The following KLHL29 variants were observed in gnomAD, a reference collection of about 807,000 sequenced individuals.
KLHL29 encodes the protein kelch-like protein 29.
Under a neutral mutation model 80.4 loss-of-function variants are expected in KLHL29, and 21 were observed. The observed-to-expected ratio is 0.26, with a 90% CI of 0.19 to 0.38. The LOEUF (loss-of-function observed/expected upper bound fraction) is 0.38. KLHL29 is among the 10% of genes least tolerant of loss of function. KLHL29 has a pLI of 1.00. For synonymous variants in KLHL29, 511 were observed against 526.8 expected (o/e 0.97, Z 0.41); for missense variants, 867 against 1,223.9 (o/e 0.71, Z 4.35).
Position 23,524,591 on chromosome 2 carries a change from C to A in KLHL29, c.-45-37561C>A, listed in dbSNP as rs139166069. Reference sequence around the variant, plus strand: ...TGAGGAGGAACATGCTTGCGGGCATCTGTGGCCTTCAACTCAGAGAGGGGG... The same window carrying A: ...TGAGGAGGAACATGCTTGCGGGCATATGTGGCCTTCAACTCAGAGAGGGGG... On this transcript the variant is annotated intron_variant, in intron 2 of 13. Coordinates refer to ENST00000486442, the MANE Select transcript of KLHL29 (RefSeq NM_052920.2). 7.4e-3 allele frequency among the ~76,000 whole-genome samples: 1,133 copies of A among 152,088 alleles called. 12 individuals carry two copies. The highest frequency in any genetic ancestry group is 0.025 in the African/African-American group (1,041 of 41,524).
At chr2:23,498,878 G>T (rs959475573) in intron 2 of KLHL29, among the ~76,000 whole-genome samples, 8 of 152,228 alleles carry the variant, frequency 5.3e-5, no homozygotes, top group Non-Finnish European at 1.0e-4. Flanking sequence ...AAGACTGGGC[G>T]ACCTGTCACT....
At chr2:23,552,885 A>C (rs189429115) in intron 2 of KLHL29, among the ~76,000 whole-genome samples, 2 of 148,958 alleles carry the variant, frequency 1.3e-5, no homozygotes, top group Non-Finnish European at 3.0e-5. Flanking sequence ...TCAACCTCCC[A>C]AGTAGCTGGG....
chr2:23,576,304 CAAAAAAAA>C (rs3086869), intron 3 of KLHL29, among the ~76,000 whole-genome samples: 3 of 131,508 alleles, frequency 2.3e-5, no homozygotes, highest in Non-Finnish European at 4.8e-5. Flanking sequence ...GACTCTATCT[CAAAAAAAA>C]AAAAAAAAAA....
Position 23,457,890 on chromosome 2 carries a change from G to A in KLHL29, c.-153-17670G>A, listed in dbSNP as rs1664102364. Among the ~76,000 whole-genome samples the A allele has an allele frequency of 6.6e-6, 1 of 152,136 alleles. No homozygotes were observed. The highest frequency in any genetic ancestry group is 2.4e-5 in the African/African-American group (1 of 41,426). On this transcript the variant is annotated intron_variant, in intron 1 of 13. Transcript: ENST00000486442. The surrounding 1 kb of genome is among the most constrained non-coding windows in gnomAD (Gnocchi z 4.3). ...TAGCCAGGCGTGGTGGCGGGCACCT[G>A]TAATCCCAGCTACTCGGGAGGTTGA...
chr2:23,434,244 C>T (rs1159326893), intron 1 of KLHL29, among the ~76,000 whole-genome samples: 3 of 146,744 alleles, frequency 2.0e-5, no homozygotes, highest in African/African-American at 5.1e-5. Flanking sequence ...TGGTGTGAAC[C>T]CGGGAGGCGG....
At position 23,639,773 on chromosome 2, in the gene KLHL29, C is replaced by T. The variant is rs545368613; in HGVS notation, c.427+493C>T. Among the ~76,000 whole-genome samples, 42 of 152,220 alleles carry T rather than the reference C, an allele frequency of 2.8e-4. 1 individual carries two copies. The highest frequency in any genetic ancestry group is 9.6e-4 in the African/African-American group (40 of 41,520). Reference sequence around the variant, plus strand: ...CTTTTATCTCCCATTGGCCCCAGAGCGCCCCCTCAGGATACACAGAACACC... The same window carrying T: ...CTTTTATCTCCCATTGGCCCCAGAGTGCCCCCTCAGGATACACAGAACACC... On this transcript the variant is annotated intron_variant, in intron 4 of 13. Coordinates refer to ENST00000486442, the MANE Select transcript of KLHL29 (RefSeq NM_052920.2).
At chr2:23,640,436 C>G (rs1464887357) in intron 4 of KLHL29, among the ~76,000 whole-genome samples, 1 of 152,134 alleles carries the variant, frequency 6.6e-6, no homozygotes, top group Non-Finnish European at 1.5e-5. Flanking sequence ...CCCTGGGGCC[C>G]CACCCATTAC....
intron 1 of KLHL29, among the ~76,000 whole-genome samples, chr2:23,440,103 A>G (rs1191422608): frequency 1.3e-5 from 2 of 152,008 alleles, no homozygotes; most frequent in East Asian, 1.9e-4. Context: ...GTTGGTTTAA[A>G]GTCTGTTTTA....
chr2:23,595,859 T>C (rs1479547556), intron 3 of KLHL29, among the ~76,000 whole-genome samples: 1 of 152,206 alleles, frequency 6.6e-6, no homozygotes, highest in Non-Finnish European at 1.5e-5. Context: ...CAGTGAATTG[T>C]GAGCTCCCCA....
intron 1 of KLHL29, among the ~76,000 whole-genome samples, chr2:23,404,766 A>G (rs1666685247): frequency 6.6e-6 from 1 of 152,180 alleles, no homozygotes; most frequent in African/African-American, 2.4e-5. Context: ...CTCTGTGTTT[A>G]CCTACTCTCT....
intron 3 of KLHL29, among the ~76,000 whole-genome samples, chr2:23,630,651 A>AT (rs1171078651): frequency 1.3e-5 from 2 of 151,440 alleles, no homozygotes; most frequent in East Asian, 1.9e-4. Context: ...CACCCAGCTG[A>AT]TTTTTTTTGT....
chr2:23,387,348 A>G (rs1379639651), intron 1 of KLHL29, among the ~76,000 whole-genome samples: 1 of 152,078 alleles, frequency 6.6e-6, no homozygotes, highest in Admixed American at 6.5e-5. Flanking sequence ...CTGTATTTAT[A>G]CTAGTTTCAG....
At chr2:23,559,857 C>A (rs1447550278) in intron 2 of KLHL29, among the ~76,000 whole-genome samples, 1 of 151,886 alleles carries the variant, frequency 6.6e-6, no homozygotes, top group African/African-American at 2.4e-5. Context: ...CGGAGGAGCC[C>A]CAGCTTTTTA....
At chr2:23,689,067 G>T (rs1191100819) in intron 6 of KLHL29, 1 of 152,540 alleles carries the variant, frequency 6.6e-6, no homozygotes, top group African/African-American at 2.4e-5. Flanking sequence ...CTGTGTGGAT[G>T]AGAACCGTGT....
intron 3 of KLHL29, among the ~76,000 whole-genome samples, chr2:23,618,805 T>G (rs1310941114): frequency 6.6e-6 from 1 of 152,188 alleles, no homozygotes; most frequent in Non-Finnish European, 1.5e-5. Context: ...TTAACATCTT[T>G]CCTGAACCCA....
chr2:23,585,698 A>G (rs921043494), intron 3 of KLHL29, among the ~76,000 whole-genome samples: 9 of 151,956 alleles, frequency 5.9e-5, no homozygotes, highest in African/African-American at 2.2e-4. Context: ...GGCTTGGTGA[A>G]CTCCCTCACC....
chr2:23,695,205 G>T lies in KLHL29; in HGVS notation c.1543-418G>T, dbSNP rs745665871. On this transcript the variant is annotated intron_variant, in intron 8 of 13. Coordinates refer to ENST00000486442, the MANE Select transcript of KLHL29 (RefSeq NM_052920.2). The surrounding 1 kb of genome is among the most constrained non-coding windows in gnomAD (Gnocchi z 7.6). ...TCGCCATCTCCTTGAAGCTTTCCTG[G>T]GTCCTCCCACCTGTTCCTGAGTCCT... is the stretch of plus-strand genomic sequence containing the variant. Among the ~76,000 whole-genome samples the T allele has an allele frequency of 2.6e-5, 4 of 152,018 alleles. No homozygotes were observed. Among genetic ancestry groups the T allele is most frequent in the Non-Finnish European group, 4.4e-5 (3 of 68,012 alleles).
At chr2:23,670,676 T>C (rs1260359098) in intron 5 of KLHL29, among the ~76,000 whole-genome samples, 4 of 152,118 alleles carry the variant, frequency 2.6e-5, no homozygotes, top group Admixed American at 2.0e-4. Context: ...TGGAGATTAA[T>C]TGTATAATTT....
chr2:23,610,718 A>G (rs1668837310), intron 3 of KLHL29, among the ~76,000 whole-genome samples: 2 of 152,274 alleles, frequency 1.3e-5, no homozygotes, highest in Admixed American at 1.3e-4. Context: ...CTATGCAGAA[A>G]GCCTGGGTCC....
Sources: gnomAD v4.1 joint callset for allele counts (sites outside exome capture counted in the v4.1 genomes callset) on GRCh38, gnomAD v4.1.1 for gene constraint, Gnocchi (gnomAD v3.1) non-coding constraint, MANE v1.5 for transcripts, NCBI Gene and HGNC (gene_info 2026-07-23, HGNC 2026-07-21) for gene names.